Variants in ENAH observed in about 807,000 individuals in gnomAD.
ENAH encodes the protein protein enabled homolog.
Under a neutral mutation model 78.7 loss-of-function variants are expected in ENAH, and 23 were observed. That is an observed-to-expected ratio of 0.29 (90% CI 0.21 to 0.41). The LOEUF is 0.41. Among genes scored for constraint, ENAH ranks in the 10% least tolerant of loss-of-function variants. The pLI is 1.00. For synonymous variants in ENAH, 226 were observed against 241.0 expected (o/e 0.94, Z 0.58); for missense variants, 544 against 691.0 (o/e 0.79, Z 2.39).
chr1:225,543,483 T>A (rs2096599113), intron 3 of ENAH, among the ~76,000 whole-genome samples: 1 of 152,244 alleles, frequency 6.6e-6, no homozygotes, highest in South Asian at 2.1e-4. Flanking sequence ...AAAGCTCACA[T>A]AAATAGCAGG....
intron 1 of ENAH, among the ~76,000 whole-genome samples, chr1:225,596,856 AG>A: frequency 6.6e-6 from 1 of 152,352 alleles, no homozygotes; most frequent in Middle Eastern, 3.4e-3. Context: ...ACTTACACAC[AG>A]CTGACATCTT....
chr1:225,631,938 C>T (rs542831475), intron 1 of ENAH, among the ~76,000 whole-genome samples: 1 of 151,782 alleles, frequency 6.6e-6, no homozygotes, highest in East Asian at 1.9e-4. Flanking sequence ...AATGTCTTAA[C>T]AGTTTAAGTT....
intron 1 of ENAH, among the ~76,000 whole-genome samples, chr1:225,620,734 G>T (rs1438712940): frequency 1.3e-5 from 2 of 152,106 alleles, no homozygotes; most frequent in Non-Finnish European, 1.5e-5. Flanking sequence ...GCCGGGTGCA[G>T]TGGCTCACAC....
chr1:225,622,767 C>T (rs1657224158), intron 1 of ENAH, among the ~76,000 whole-genome samples: 1 of 152,176 alleles, frequency 6.6e-6, no homozygotes, highest in African/African-American at 2.4e-5. Flanking sequence ...TGGGAGCATA[C>T]ACATATTCAG....
chr1:225,646,177 A>T (rs577313824), intron 1 of ENAH, among the ~76,000 whole-genome samples: 1 of 152,112 alleles, frequency 6.6e-6, no homozygotes, highest in Admixed American at 6.5e-5. Flanking sequence ...CAAAAAAAAA[A>T]AATGTAGTTA....
rs951240901 is a variant in ENAH, at chr1:225,519,090, G to A, written c.802+108C>T. ...ATTTATTCATAATTTCAAATTGTAT[G>A]GCTTAATCCCAAACATCTCAAATGT... On this transcript the variant is annotated intron_variant, in intron 5 of 13. Transcript: ENST00000366843. 7 of 1,470,790 alleles carry A rather than the reference G, an allele frequency of 4.8e-6. No individual in the cohort carries two copies. The African/African-American group carries it at 9.9e-5, about 21-fold the overall frequency. 91.1% of individuals were successfully genotyped at this position (1,470,790 alleles called of 1,614,324 possible).
chr1:225,614,954 A>C (rs1042285202), intron 1 of ENAH, among the ~76,000 whole-genome samples: 1 of 151,702 alleles, frequency 6.6e-6, no homozygotes, highest in African/African-American at 2.4e-5. Context: ...CCATACACAA[A>C]TCCTTAAGAG....
chr1:225,626,200 T>C (rs1451944864), intron 1 of ENAH, among the ~76,000 whole-genome samples: 2 of 152,246 alleles, frequency 1.3e-5, no homozygotes, highest in East Asian at 3.8e-4. Context: ...GTCCTCAAGC[T>C]GCCCTAGCTC....
chr1:225,562,589 A>AAAC, intron 2 of ENAH, among the ~76,000 whole-genome samples: 2 of 148,522 alleles, frequency 1.3e-5, no homozygotes, highest in Admixed American at 6.7e-5. Context: ...AAAAAAAAAA[A>AAAC]AAAAAAAAAA....
At chr1:225,503,682 A>G (rs2096302173) in intron 11 of ENAH, among the ~76,000 whole-genome samples, 1 of 135,558 alleles carries the variant, frequency 7.4e-6, no homozygotes, top group African/African-American at 2.5e-5. Context: ...AAAAAAACAC[A>G]AAACTATTTC....
rs2096223547 is a variant in ENAH, at chr1:225,491,808, GA to G, written c.*5966del. On this transcript the variant is annotated 3_prime_UTR_variant, in exon 14 of 14. Transcript: ENST00000366843. Reference sequence around the variant, plus strand: ...CTCGATTTTCTAAGCCTTCTTAGAAGAATAACTATTTACTAAAACCCAACCA... The same window carrying G: ...CTCGATTTTCTAAGCCTTCTTAGAAGATAACTATTTACTAAAACCCAACCA... The G allele has an allele frequency of 1.3e-5, 2 of 152,152 alleles. No homozygotes were observed. The highest frequency in any genetic ancestry group is 4.8e-5 in the African/African-American group (2 of 41,430). The allele number at this position is 152,152 out of a possible 1,614,324, so 9.4% of individuals were successfully genotyped here.
At chr1:225,641,634 C>T (rs1165986526) in intron 1 of ENAH, among the ~76,000 whole-genome samples, 4 of 152,098 alleles carry the variant, frequency 2.6e-5, no homozygotes, top group Non-Finnish European at 5.9e-5. Context: ...TGTTTGTAAT[C>T]CTAGCACTTT....
intron 1 of ENAH, among the ~76,000 whole-genome samples, chr1:225,621,117 T>C (rs1656805274): frequency 6.6e-6 from 1 of 152,198 alleles, no homozygotes; most frequent in Non-Finnish European, 1.5e-5. Flanking sequence ...ACAAATCTCC[T>C]TGGGAAAATC....
At chr1:225,601,092 A>C (rs1354286133) in intron 1 of ENAH, among the ~76,000 whole-genome samples, 2 of 152,204 alleles carry the variant, frequency 1.3e-5, no homozygotes, top group African/African-American at 4.8e-5. Context: ...CAGGTCTTAA[A>C]ATATATTCAA....
chr1:225,503,667 A>AAAAC (rs1256539564), intron 11 of ENAH, among the ~76,000 whole-genome samples: 5 of 150,014 alleles, frequency 3.3e-5, no homozygotes, highest in Admixed American at 6.6e-5. Context: ...TCAAAAAAAA[A>AAAAC]AAAAAAAAAA....
At chr1:225,527,767 T>C (rs1252373769) in intron 4 of ENAH, among the ~76,000 whole-genome samples, 1 of 152,146 alleles carries the variant, frequency 6.6e-6, no homozygotes, top group Non-Finnish European at 1.5e-5. Flanking sequence ...CTACTCTTTC[T>C]TCCTGGAATG....
chr1:225,497,683 C>T lies in ENAH; in HGVS notation c.*92G>A. 2.3e-6 allele frequency: 3 copies of T among 1,293,504 alleles called. No individual in the cohort carries two copies. The highest frequency in any genetic ancestry group is 3.3e-6 in the Non-Finnish European group (3 of 921,276). 80.1% of individuals were successfully genotyped at this position (1,293,504 alleles called of 1,614,324 possible). On this transcript the variant is annotated 3_prime_UTR_variant, in exon 14 of 14. Transcript: ENST00000366843. ...TTGTCTCCATTTTCTTCTTACAGCT[C>T]ATAAATGTAGGGGTTTGCTGTTGTG...
At chr1:225,522,834 A>T (rs1406691680) in intron 4 of ENAH, among the ~76,000 whole-genome samples, 2 of 152,250 alleles carry the variant, frequency 1.3e-5, no homozygotes, top group African/African-American at 4.8e-5. Context: ...AGCTAAAGAG[A>T]AACATTTAAG....
At chr1:225,573,580 T>C (rs2096773859) in intron 1 of ENAH, among the ~76,000 whole-genome samples, 1 of 151,570 alleles carries the variant, frequency 6.6e-6, no homozygotes, top group South Asian at 2.1e-4. Flanking sequence ...AGAGAAAAAA[T>C]TCAAGAAAGT....
Sources: gnomAD v4.1 joint callset for allele counts (sites outside exome capture counted in the v4.1 genomes callset) on GRCh38, gnomAD v4.1.1 for gene constraint, MANE v1.5 for transcripts, NCBI Gene and HGNC (gene_info 2026-07-23, HGNC 2026-07-21) for gene names.